Variants in CDCA2 observed in about 807,000 individuals in gnomAD.
CDCA2 encodes cell division cycle associated 2.
In CDCA2, 44 loss-of-function variants were observed where a neutral mutation model predicts 67.0. The observed-to-expected ratio is 0.66, with a 90% CI of 0.52 to 0.84. The LOEUF is 0.84. CDCA2 is among the 40% of genes least tolerant of loss of function. The probability of loss-of-function intolerance (pLI) is 0.00; values close to 1 mark genes in which losing one functional copy is unlikely to be tolerated. For missense variants in CDCA2, 1,253 were observed against 1,203.2 expected (o/e 1.04, Z -0.61); for synonymous variants, 447 against 418.7 (o/e 1.07, Z -0.82).
At position 25,485,793 on chromosome 8, in the gene CDCA2, T is replaced by C; in HGVS notation, c.1400T>C (p.Val467Ala). Residue 467 changes from valine to alanine, a missense_variant, in exon 11 of 15, where the codon GTT becomes GCT. Physicochemically the swap from Val to Ala is moderately conservative, Grantham distance 64. Transcript: ENST00000330560. The stretch of plus-strand genomic sequence containing the variant: ...GAACCACTTCAAGTATCATTTGCCG[T>C]TCTCAGTTCTCCTAATAAATCATCA... ...NIEPLQVSFAVLSSPNKSSIS... is the reference protein window; with the variant it reads ...NIEPLQVSFAALSSPNKSSIS... 2.5e-6 allele frequency: 4 copies of C among 1,608,000 alleles called. No individual in the cohort carries two copies. Among genetic ancestry groups the C allele is most frequent in the Non-Finnish European group, 3.4e-6 (4 of 1,176,892 alleles).
chr8:25,460,598 A>T, intron 3 of CDCA2, 44 bp downstream of exon 3: 1 of 1,560,964 alleles, frequency 6.4e-7, no homozygotes, highest in Admixed American at 1.9e-5. Context: ...TCAAGTTTAA[A>T]AATAACTTTA....
intron 7 of CDCA2, among the ~76,000 whole-genome samples, chr8:25,476,827 T>C (rs758846377): frequency 2.0e-5 from 3 of 152,178 alleles, no homozygotes; most frequent in Non-Finnish European, 4.4e-5. Context: ...GTGCTGGAAT[T>C]ACAGGCATGA....
Position 25,463,578 on chromosome 8 carries a change from A to G in CDCA2, c.387+1370A>G, listed in dbSNP as rs185311952. Among the ~76,000 whole-genome samples, 550 of 152,246 alleles carry G rather than the reference A, an allele frequency of 3.6e-3. 7 individuals carry two copies. The highest frequency in any genetic ancestry group is 0.012 in the African/African-American group (515 of 41,544). On this transcript the variant is annotated intron_variant, in intron 4 of 14. Transcript: ENST00000330560. Reference sequence around the variant, plus strand: ...ATTTACTATAGACTTTGTATCATGAATTTAAAGTGTACTCCTTCTACTGAT... The same window carrying G: ...ATTTACTATAGACTTTGTATCATGAGTTTAAAGTGTACTCCTTCTACTGAT...
chr8:25,481,233 C>CA (rs11438950), intron 8 of CDCA2, among the ~76,000 whole-genome samples: 59,853 of 128,418 alleles, frequency 0.47, 13,966 homozygotes, highest in Middle Eastern at 0.6. Flanking sequence ...CAGTCTGGGA[C>CA]AAAAAAAAAA....
rs1361890717 is a variant in CDCA2 at position 25,495,358 on chromosome 8, TG to T, written c.1671+6671del. On this transcript the variant is annotated intron_variant, in intron 13 of 14. Transcript: ENST00000330560. The stretch of plus-strand genomic sequence containing the variant: ...TTGACAAATTCTTACTATGTCAAGT[TG>T]GTGGCTTAACTTCATTAAGAATTTT... Among the ~76,000 whole-genome samples the T allele has an allele frequency of 2.0e-5, 3 of 152,158 alleles. No individual in the cohort carries two copies. The East Asian group carries it at 5.8e-4, about 29-fold the overall frequency.
In CDCA2 at chr8:25,466,158, A is replaced by G. The variant is rs1802892838; in HGVS notation, c.388-17A>G. On this transcript the variant is annotated splice_polypyrimidine_tract_variant and intron_variant, in intron 4 of 14. Transcript: ENST00000330560. ...GAATTGATTATAATACTCCTTGTAT[A>G]TTTTGCACTTTCACAGGGCAGCCCT... 1 of 1,585,762 alleles carries G rather than the reference A, an allele frequency of 6.3e-7. No homozygotes were observed. The highest frequency in any genetic ancestry group is 8.5e-7 in the Non-Finnish European group (1 of 1,172,500).
intron 4 of CDCA2, among the ~76,000 whole-genome samples, chr8:25,463,278 A>G (rs2117476761): frequency 6.6e-6 from 1 of 152,314 alleles, no homozygotes; most frequent in African/African-American, 2.4e-5. Flanking sequence ...TCCCCCTAAA[A>G]AGTCAGATAC....
Position 25,460,301 on chromosome 8 carries a change from G to A in CDCA2, c.61+1G>A. On this transcript the variant is annotated splice_donor_variant, in intron 2 of 14. Coordinates refer to ENST00000330560, the MANE Select transcript of CDCA2 (RefSeq NM_152562.4). LOFTEE classifies it high-confidence loss of function. The stretch of plus-strand genomic sequence containing the variant: ...AAGGAGTCTGCAATGAATAATGCTG[G>A]TATGTGATGATCTGCCTCCTTGTGA... 1 of 1,614,138 alleles carries A rather than the reference G, an allele frequency of 6.2e-7. No homozygotes were observed.
intron 4 of CDCA2, 145 bp from the exon 5 acceptor site, chr8:25,466,030 A>G: frequency 1.7e-6 from 1 of 585,802 alleles, no homozygotes; most frequent in Non-Finnish European, 2.8e-6. Flanking sequence ...CAGGGTGAAG[A>G]AGCTCTGCCA....
At chr8:25,505,163 C>G (rs762744458) in intron 14 of CDCA2, among the ~76,000 whole-genome samples, 1 of 151,978 alleles carries the variant, frequency 6.6e-6, no homozygotes, top group Admixed American at 6.6e-5. Context: ...CCTTCCTTCT[C>G]TAGTATGTTG....
At chr8:25,506,104 G>C (rs1425494619) in intron 14 of CDCA2, among the ~76,000 whole-genome samples, 1 of 152,166 alleles carries the variant, frequency 6.6e-6, no homozygotes, top group Non-Finnish European at 1.5e-5. Flanking sequence ...CCCTGTTTCG[G>C]AGGATACATT....
chr8:25,459,964 T>G (rs1279172382), intron 1 of CDCA2, among the ~76,000 whole-genome samples: 1 of 152,232 alleles, frequency 6.6e-6, no homozygotes, highest in Non-Finnish European at 1.5e-5. Flanking sequence ...TTGGATTGTT[T>G]ATAACAAAAA....
chr8:25,468,559 G>A lies in CDCA2; in HGVS notation c.735+146G>A, dbSNP rs1002738624. 5.9e-5 allele frequency: 27 copies of A among 457,024 alleles called. No homozygotes were observed. In the South Asian group the frequency reaches 6.5e-4, roughly 11 times the overall value. 28.3% of individuals were successfully genotyped at this position (457,024 alleles called of 1,614,324 possible). A position where few individuals can be genotyped will look rare whatever the true frequency, so the allele number is the denominator to read the frequency against. On this transcript the variant is annotated intron_variant, in intron 6 of 14. Transcript: ENST00000330560. The stretch of plus-strand genomic sequence containing the variant: ...TGTGTGTGTGTGTGTGTGTGTGTGC[G>A]TGTGTGTGTGTGTGTTTCCTACCTG...
chr8:25,460,092 A>C (rs1401773642), intron 1 of CDCA2, 148 bp from the exon 2 acceptor site: 6 of 718,186 alleles, frequency 8.4e-6, no homozygotes, highest in Middle Eastern at 3.0e-4. Flanking sequence ...GTATACCCAC[A>C]GAAATTAAAA....
intron 13 of CDCA2, among the ~76,000 whole-genome samples, chr8:25,493,743 T>A (rs912778496): frequency 3.3e-5 from 5 of 152,114 alleles, no homozygotes; most frequent in Admixed American, 6.5e-5. Context: ...TTACCAAAAA[T>A]CTGAAAGTTG....
At chr8:25,506,398 G>C in intron 14 of CDCA2, 112 bp from the exon 15 acceptor site, 1 of 958,640 alleles carries the variant, frequency 1.0e-6, no homozygotes, top group Non-Finnish European at 1.5e-6. Context: ...TGTGGGTCTT[G>C]TGAATGCTTA....
intron 7 of CDCA2, among the ~76,000 whole-genome samples, chr8:25,471,389 GTC>G (rs1803149297): frequency 8.0e-6 from 1 of 124,786 alleles, no homozygotes; most frequent in Non-Finnish European, 1.8e-5. Flanking sequence ...TTGAGACAGA[GTC>G]TCGCTCTGTT....
intron 13 of CDCA2, among the ~76,000 whole-genome samples, chr8:25,493,690 G>A (rs1804099486): frequency 6.6e-6 from 1 of 152,158 alleles, no homozygotes; most frequent in Non-Finnish European, 1.5e-5. Context: ...TAAGAGAATT[G>A]CAGCTGTAAC....
chr8:25,482,430 A>G (rs1803607588), intron 8 of CDCA2, among the ~76,000 whole-genome samples: 1 of 152,162 alleles, frequency 6.6e-6, no homozygotes, highest in African/African-American at 2.4e-5. Flanking sequence ...GTAACCTTCA[A>G]ATCTGTTGGT....
Sources: gnomAD v4.1 joint callset for allele counts (sites outside exome capture counted in the v4.1 genomes callset) on GRCh38, gnomAD v4.1.1 for gene constraint, MANE v1.5 for transcripts, NCBI Gene and HGNC (gene_info 2026-07-23, HGNC 2026-07-21) for gene names.